FOXP2: variants seen among roughly 807,000 people sequenced by gnomAD.
The protein encoded by FOXP2 is forkhead box protein P2.
A neutral mutation model predicts 115.8 loss-of-function variants in FOXP2; 12 were observed. The ratio of observed to expected loss-of-function variants is 0.10; its 90% CI spans 0.07 to 0.17. The LOEUF (loss-of-function observed/expected upper bound fraction) is 0.17, where lower values mean the gene tolerates loss of function less well. Among genes scored for constraint, FOXP2 ranks in the 10% least tolerant of loss-of-function variants. The pLI, the probability that FOXP2 is intolerant of heterozygous loss-of-function variation, is 1.00. For synonymous variants in FOXP2, 328 were observed against 297.7 expected, an observed-to-expected ratio of 1.10 and a Z score of -1.05; for missense variants, 629 against 843.5, an observed-to-expected ratio of 0.75 and a Z score of 3.15.
intron 1 of FOXP2, among the ~76,000 whole-genome samples, chr7:114,232,328 A>G (rs748348813): frequency 6.6e-6 from 1 of 152,224 alleles, no homozygotes; most frequent in African/African-American, 2.4e-5. Flanking sequence ...AATTAAAAAT[A>G]GAACTACCTT....
intron 3 of FOXP2, among the ~76,000 whole-genome samples, chr7:114,570,458 T>C (rs1466536836): frequency 6.6e-6 from 1 of 151,894 alleles, no homozygotes; most frequent in Non-Finnish European, 1.5e-5. Flanking sequence ...TAACATCCCA[T>C]ACACCAAAAT....
At chr7:114,114,814 A>G (rs1584486834) in intron 1 of FOXP2, among the ~76,000 whole-genome samples, 1 of 152,106 alleles carries the variant, frequency 6.6e-6, no homozygotes, top group Admixed American at 6.6e-5. Context: ...TATTGAAGTT[A>G]TATCATCCTA....
intron 2 of FOXP2, among the ~76,000 whole-genome samples, chr7:114,390,023 C>CAAAAAAAA (rs11311566): frequency 7.5e-5 from 7 of 93,196 alleles, no homozygotes; most frequent in Admixed American, 1.4e-4. Flanking sequence ...CATTCAGTGT[C>CAAAAAAAA]AAAAAAAAAA....
intron 10 of FOXP2, among the ~76,000 whole-genome samples, chr7:114,654,662 C>T (rs149962395): frequency 6.6e-6 from 1 of 152,106 alleles, no homozygotes; most frequent in East Asian, 1.9e-4. Flanking sequence ...GTCAGATACA[C>T]AGACTGTTGA....
chr7:114,400,989 G>A lies in FOXP2; in HGVS notation c.-10-25513G>A, dbSNP rs117865704. On this transcript the variant is annotated intron_variant, in intron 2 of 17. Coordinates refer to the FOXP2 transcript ENST00000634411. ...AAATTATTAAGAGGAAATAGCAGGA[G>A]TAAGGGAGATTCTGGGTAAACTTAC... 2.9e-4 allele frequency among the ~76,000 whole-genome samples: 44 copies of A among 152,238 alleles called. No individual in the cohort carries two copies. The East Asian group carries it at 7.4e-3, about 25-fold the overall frequency.
At chr7:114,600,984 AAC>A (rs1491516848) in intron 3 of FOXP2, among the ~76,000 whole-genome samples, 1 of 150,234 alleles carries the variant, frequency 6.7e-6, no homozygotes, top group African/African-American at 2.4e-5. Flanking sequence ...AATTTTTTGA[AAC>A]AGAGTCTCAT....
intron 2 of FOXP2, among the ~76,000 whole-genome samples, chr7:114,495,151 A>G (rs1214799264): frequency 6.6e-6 from 1 of 152,160 alleles, no homozygotes; most frequent in Non-Finnish European, 1.5e-5. Flanking sequence ...TTTTATGAAT[A>G]CTTGATCAAA....
At chr7:114,345,259 G>T (rs1791319860) in intron 2 of FOXP2, among the ~76,000 whole-genome samples, 1 of 151,696 alleles carries the variant, frequency 6.6e-6, no homozygotes, top group Admixed American at 6.6e-5. Flanking sequence ...TTAAAATTGT[G>T]TAGACTGGTG....
At chr7:114,607,341 A>G (rs1325141351) in intron 3 of FOXP2, among the ~76,000 whole-genome samples, 1 of 152,198 alleles carries the variant, frequency 6.6e-6, no homozygotes, top group East Asian at 1.9e-4. Flanking sequence ...GGGGAAGAAT[A>G]CATTCAAAGA....
At chr7:114,503,890 A>G (rs1038519439) in intron 2 of FOXP2, among the ~76,000 whole-genome samples, 18 of 151,370 alleles carry the variant, frequency 1.2e-4, no homozygotes, top group African/African-American at 2.7e-4. Flanking sequence ...AAAATTTAAT[A>G]TAAATAAATT....
chr7:114,644,332 C>T (rs1805750280), intron 7 of FOXP2, among the ~76,000 whole-genome samples: 1 of 152,062 alleles, frequency 6.6e-6, no homozygotes, highest in Non-Finnish European at 1.5e-5. Context: ...CTATTATTCT[C>T]TTGAAAATAA....
At chr7:114,591,504 A>G (rs1461266596) in intron 3 of FOXP2, among the ~76,000 whole-genome samples, 1 of 152,000 alleles carries the variant, frequency 6.6e-6, no homozygotes, top group African/African-American at 2.4e-5. Context: ...ATGTTCAGTT[A>G]TATGTCAGAT....
intron 1 of FOXP2, among the ~76,000 whole-genome samples, chr7:114,206,209 C>A (rs961082172): frequency 6.6e-6 from 1 of 152,104 alleles, no homozygotes; most frequent in African/African-American, 2.4e-5. Flanking sequence ...ACCAGATAGT[C>A]TCAATACCCT....
chr7:114,550,121 T>C (rs1371706001), intron 3 of FOXP2, among the ~76,000 whole-genome samples: 5 of 142,158 alleles, frequency 3.5e-5, no homozygotes, highest in South Asian at 2.3e-4. Flanking sequence ...TCTTTTTTTT[T>C]TTTTTTTTTT....
chr7:114,556,245 A>T (rs1227146946), intron 3 of FOXP2, among the ~76,000 whole-genome samples: 1 of 152,176 alleles, frequency 6.6e-6, no homozygotes, highest in Non-Finnish European at 1.5e-5. Context: ...GGACCAAATC[A>T]TAATCAGAGA....
At chr7:114,570,842 C>T in intron 3 of FOXP2, 1 of 1,611,974 alleles carries the variant, frequency 6.2e-7, no homozygotes, top group Non-Finnish European at 8.5e-7. Context: ...GTATCTGTGG[C>T]CACTCTTCTG....
chr7:114,162,082 C>T (rs980826900), upstream of FOXP2, among the ~76,000 whole-genome samples: 4 of 151,906 alleles, frequency 2.6e-5, no homozygotes, highest in African/African-American at 4.8e-5. Flanking sequence ...CATGCCAGGC[C>T]GAAGATATTT....
chr7:114,186,983 A>G (rs1358758162), intron 1 of FOXP2, among the ~76,000 whole-genome samples: 1 of 152,130 alleles, frequency 6.6e-6, no homozygotes, highest in East Asian at 1.9e-4. Flanking sequence ...TTCTCTTTCA[A>G]AGCTTTTCTG....
chr7:114,151,852 C>A (rs1584509595), intron 1 of FOXP2, among the ~76,000 whole-genome samples: 1 of 152,022 alleles, frequency 6.6e-6, no homozygotes, highest in East Asian at 1.9e-4. Flanking sequence ...AAAAACAAGT[C>A]ATTCCATTCA....
Sources: allele counts gnomAD v4.1 joint callset (sites outside exome capture counted in the v4.1 genomes callset), GRCh38; gene constraint gnomAD v4.1.1; transcripts MANE v1.5; gene names NCBI Gene and HGNC (gene_info 2026-07-23, HGNC 2026-07-21).